The following TMEM108 variants were observed in gnomAD, a reference collection of about 807,000 sequenced individuals.
The protein encoded by TMEM108 is transmembrane protein 108, also known as cancer/testis antigen 124.
Under a neutral mutation model 35.1 loss-of-function variants are expected in TMEM108, and 12 were observed. The ratio of observed to expected loss-of-function variants is 0.34; its 90% CI spans 0.22 to 0.55. TMEM108 has a LOEUF of 0.55. Among genes scored for constraint, TMEM108 ranks in the 20% least tolerant of loss-of-function variants. TMEM108 has a pLI of 0.89. For missense variants in TMEM108, 680 were observed against 753.3 expected (o/e 0.90, Z 1.14); for synonymous variants, 287 against 308.6 (o/e 0.93, Z 0.73).
chr3:133,199,784 T>C (rs146286985), intron 2 of TMEM108, among the ~76,000 whole-genome samples: 2 of 152,182 alleles, frequency 1.3e-5, no homozygotes, highest in Non-Finnish European at 2.9e-5. Flanking sequence ...ACCACTACTC[T>C]CTTCAAAGCT....
intron 2 of TMEM108, among the ~76,000 whole-genome samples, chr3:133,184,396 T>C (rs967527049): frequency 6.6e-6 from 1 of 152,236 alleles, no homozygotes. Context: ...TCTTATTTCT[T>C]GCATAAATCA....
intron 2 of TMEM108, among the ~76,000 whole-genome samples, chr3:133,197,607 A>G (rs1380708259): frequency 6.6e-6 from 1 of 152,194 alleles, no homozygotes; most frequent in Admixed American, 6.5e-5. Context: ...TGTGGGCCCA[A>G]CTAACTCCCA....
chr3:133,168,722 C>T (rs1026840419), intron 2 of TMEM108, among the ~76,000 whole-genome samples: 1 of 152,160 alleles, frequency 6.6e-6, no homozygotes, highest in Non-Finnish European at 1.5e-5. Flanking sequence ...CCACTCAGGT[C>T]CCCTTTCACA....
chr3:133,311,398 C>G (rs1381912888), intron 3 of TMEM108, among the ~76,000 whole-genome samples: 2 of 152,128 alleles, frequency 1.3e-5, no homozygotes. Context: ...TTCTTGGAGG[C>G]TTTGTCCATT....
At chr3:133,145,559 G>C (rs9845281) in intron 2 of TMEM108, among the ~76,000 whole-genome samples, 32,830 of 152,002 alleles carry the variant, frequency 0.22, 4,417 homozygotes, top group Non-Finnish European at 0.3. Context: ...TTTGGGCAGC[G>C]TGGCCATTTT....
intron 2 of TMEM108, among the ~76,000 whole-genome samples, chr3:133,193,968 ACT>A (rs1235245893): frequency 6.3e-5 from 9 of 143,976 alleles, no homozygotes; most frequent in African/African-American, 2.4e-4. Context: ...ACAGAGCCTC[ACT>A]CTGTCACTCA....
At chr3:133,388,341 G>T in intron 4 of TMEM108, 1 of 983,860 alleles carries the variant, frequency 1.0e-6, no homozygotes, top group Non-Finnish European at 1.2e-6. Context: ...CCTGTGACCT[G>T]TGGCAAGGCG....
chr3:133,097,519 C>T (rs1944030684), intron 2 of TMEM108, among the ~76,000 whole-genome samples: 1 of 152,176 alleles, frequency 6.6e-6, no homozygotes, highest in Non-Finnish European at 1.5e-5. Flanking sequence ...GTTCATCACT[C>T]CCTAACCCCA....
intron 3 of TMEM108, among the ~76,000 whole-genome samples, chr3:133,339,118 A>G (rs575261854): frequency 1.1e-4 from 16 of 152,024 alleles, no homozygotes; most frequent in African/African-American, 3.6e-4. Flanking sequence ...ATCAATAATA[A>G]CATTGAATGT....
intron 3 of TMEM108, among the ~76,000 whole-genome samples, chr3:133,288,063 T>C (rs1947009620): frequency 6.6e-6 from 1 of 152,204 alleles, no homozygotes; most frequent in Non-Finnish European, 1.5e-5. Flanking sequence ...GGGAGAATTA[T>C]GTGAAATTGT....
chr3:133,204,415 C>G (rs1262716764), intron 2 of TMEM108, among the ~76,000 whole-genome samples: 1 of 152,102 alleles, frequency 6.6e-6, no homozygotes, highest in Non-Finnish European at 1.5e-5. Context: ...TTAGAGCTTT[C>G]CTGCTTTCTC....
intron 3 of TMEM108, among the ~76,000 whole-genome samples, chr3:133,274,956 C>T (rs182093415): frequency 1.2e-4 from 18 of 152,296 alleles, no homozygotes; most frequent in Admixed American, 9.2e-4. Context: ...TAAGAAATAT[C>T]TCAAAACCAT....
intron 3 of TMEM108, among the ~76,000 whole-genome samples, chr3:133,361,777 G>A (rs1268220928): frequency 6.6e-6 from 1 of 152,112 alleles, no homozygotes; most frequent in East Asian, 1.9e-4. Flanking sequence ...CCTGGGCTTG[G>A]AACTCATGGA....
At chr3:133,092,933 C>T (rs1943967607) in intron 2 of TMEM108, among the ~76,000 whole-genome samples, 1 of 141,528 alleles carries the variant, frequency 7.1e-6, no homozygotes, top group South Asian at 2.2e-4. Context: ...AGTTCCTCTG[C>T]CATGTCTGTG....
chr3:133,393,220 C>T (rs1164190160), intron 5 of TMEM108, among the ~76,000 whole-genome samples: 3 of 152,224 alleles, frequency 2.0e-5, no homozygotes, highest in Non-Finnish European at 2.9e-5. Context: ...TCAAATGCCA[C>T]CTCCTCTGGG....
intron 3 of TMEM108, among the ~76,000 whole-genome samples, chr3:133,375,432 T>A (rs2072807049): frequency 6.6e-6 from 1 of 152,228 alleles, no homozygotes; most frequent in Non-Finnish European, 1.5e-5. Context: ...TTAGCTTTAG[T>A]CTCTACTACA....
intron 3 of TMEM108, among the ~76,000 whole-genome samples, chr3:133,359,260 A>G (rs1236320023): frequency 6.6e-6 from 1 of 152,232 alleles, no homozygotes; most frequent in Non-Finnish European, 1.5e-5. Context: ...CATTTTGGAA[A>G]CCCTGCTTTT....
chr3:133,166,265 A>G (rs1945034939), intron 2 of TMEM108, among the ~76,000 whole-genome samples: 1 of 152,198 alleles, frequency 6.6e-6, no homozygotes, highest in African/African-American at 2.4e-5. Context: ...TACATAGGTG[A>G]TGGGATAATC....
In TMEM108 at chr3:133,235,302, C is replaced by G. The variant is rs533157451; in HGVS notation, c.40+5951C>G. Among the ~76,000 whole-genome samples, 4 of 152,186 alleles carry G rather than the reference C, an allele frequency of 2.6e-5. 1 individual carries two copies. Among genetic ancestry groups the G allele is most frequent in the South Asian group, 4.2e-4 (2 of 4,812 alleles). ...AAGAGCCTGCATCACCAAGTCAATC[C>G]TAAGCCAAAAGAACAAAGCTGGAGG... On this transcript the variant is annotated intron_variant, in intron 3 of 5. Coordinates refer to ENST00000321871, the MANE Select transcript of TMEM108 (RefSeq NM_023943.4).
Sources: gnomAD v4.1 joint callset for allele counts (sites outside exome capture counted in the v4.1 genomes callset) on GRCh38, gnomAD v4.1.1 for gene constraint, MANE v1.5 for transcripts, NCBI Gene and HGNC (gene_info 2026-07-23, HGNC 2026-07-21) for gene names.